Variants in SLA observed in about 807,000 individuals in gnomAD.
SLA encodes the protein Src like adaptor.
A neutral mutation model predicts 30.3 loss-of-function variants in SLA; 16 were observed. The observed-to-expected ratio is 0.53, with a 90% CI of 0.36 to 0.80. SLA has a LOEUF of 0.80. Ranked by LOEUF, SLA falls within the 30% of genes least tolerant of loss-of-function variation. SLA has a pLI of 0.01. For synonymous variants in SLA, 143 were observed against 137.8 expected, an observed-to-expected ratio of 1.04 and a Z score of -0.26; for missense variants, 310 against 345.2, an observed-to-expected ratio of 0.90 and a Z score of 0.81.
At chr8:133,078,984 A>C (rs1299051982) in intron 1 of SLA, among the ~76,000 whole-genome samples, 2 of 152,214 alleles carry the variant, frequency 1.3e-5, no homozygotes, top group Admixed American at 1.3e-4. Flanking sequence ...AGAAACCTCT[A>C]GGGCTCCTGG....
chr8:133,051,642 A>G (rs1840430983), intron 3 of SLA, among the ~76,000 whole-genome samples: 1 of 152,156 alleles, frequency 6.6e-6, no homozygotes, highest in African/African-American at 2.4e-5. Flanking sequence ...AAAAGGAAAG[A>G]GGGCTGTCTG....
At chr8:133,087,871 G>T (rs1426065706) in intron 1 of SLA, 1 of 152,180 alleles carries the variant, frequency 6.6e-6, no homozygotes. Flanking sequence ...CATGGGAAAT[G>T]AAAACCTGGG....
rs1381779136 is a variant in SLA at position 133,050,043 on chromosome 8, G to T, written c.162-55C>A. 8 of 1,123,190 alleles carry T rather than the reference G, an allele frequency of 7.1e-6. No individual in the cohort carries two copies. The East Asian group carries it at 1.9e-4, about 26-fold the overall frequency. The allele number at this position is 1,123,190 out of a possible 1,614,324, so 69.6% of individuals were successfully genotyped here. On this transcript the variant is annotated intron_variant, in intron 4 of 8. Transcript: ENST00000338087. The stretch of plus-strand genomic sequence containing the variant: ...GAGATAGGTAAATAGCAAAACCAAA[G>T]GATGAATGAACAGAGTAATCAGATT...
chr8:133,070,028 AAAG>A (rs1843746998), intron 2 of SLA, among the ~76,000 whole-genome samples: 1 of 43,700 alleles, frequency 2.3e-5, no homozygotes. Context: ...AAAAAAAAAG[AAAG>A]AAAGAAAGAA....
chr8:133,080,929 C>T (rs1205962757), intron 1 of SLA, among the ~76,000 whole-genome samples: 1 of 152,230 alleles, frequency 6.6e-6, no homozygotes, highest in Admixed American at 6.5e-5. Flanking sequence ...TGCTCCCTCT[C>T]AGAAGGCCAC....
At chr8:133,049,311 T>A (rs1406256506) in intron 5 of SLA, 5 of 376,608 alleles carry the variant, frequency 1.3e-5, no homozygotes, top group African/African-American at 8.5e-5. Context: ...ATTCTGTGTG[T>A]TTCTGGATAG....
At chr8:133,066,519 G>A (rs1843065002) in intron 2 of SLA, among the ~76,000 whole-genome samples, 1 of 152,086 alleles carries the variant, frequency 6.6e-6, no homozygotes, top group Non-Finnish European at 1.5e-5. Context: ...GATTTTATAT[G>A]TGAATTTATA....
At chr8:133,101,411 G>T (rs60395395) in intron 1 of SLA, among the ~76,000 whole-genome samples, 5,327 of 152,190 alleles carry the variant, frequency 0.035, 306 homozygotes, top group African/African-American at 0.12. Context: ...CCCCAAGAAG[G>T]CTCCATGGCA....
At chr8:133,047,710 A>G in intron 6 of SLA, 120 bp downstream of exon 6, 1 of 727,084 alleles carries the variant, frequency 1.4e-6, no homozygotes, top group Non-Finnish European at 2.5e-6. Context: ...GAGCTTAACT[A>G]CATTGGATCA....
intron 2 of SLA, among the ~76,000 whole-genome samples, chr8:133,074,019 C>T (rs556512167): frequency 1.3e-5 from 2 of 152,276 alleles, no homozygotes; most frequent in Admixed American, 6.5e-5. Flanking sequence ...CAAATGAGGA[C>T]ATTCTGAGGC....
chr8:133,093,383 G>A (rs6988528), intron 1 of SLA, among the ~76,000 whole-genome samples: 108,961 of 152,006 alleles, frequency 0.72, 39,490 homozygotes, highest in Non-Finnish European at 0.75. Context: ...GCTGAGAGCA[G>A]AGTGAGCCAC....
intron 7 of SLA, among the ~76,000 whole-genome samples, chr8:133,040,997 G>A (rs1348520814): frequency 1.3e-5 from 2 of 152,240 alleles, no homozygotes; most frequent in African/African-American, 4.8e-5. Flanking sequence ...TTACGATGTA[G>A]CTTCCGTCTC....
At chr8:133,052,152 T>G (rs1731899236) in intron 3 of SLA, among the ~76,000 whole-genome samples, 1 of 152,224 alleles carries the variant, frequency 6.6e-6, no homozygotes, top group Non-Finnish European at 1.5e-5. Flanking sequence ...AACTCATATG[T>G]CTTGCAGCCT....
chr8:133,055,361 GCGCGCACACACACACACA>G (rs200667340), intron 3 of SLA, among the ~76,000 whole-genome samples: 39,480 of 131,540 alleles, frequency 0.3, 5,320 homozygotes, highest in Non-Finnish European at 0.32. Flanking sequence ...ACACACGCAC[GCGCGCACACACACACACA>G]CACACACACA....
Position 133,038,627 on chromosome 8 carries a change from T to G in SLA, c.728A>C (p.Asp243Ala), listed in dbSNP as rs766832969. The G allele has an allele frequency of 1.2e-6, 2 of 1,613,816 alleles. No individual in the cohort carries two copies. Among genetic ancestry groups the G allele is most frequent in the East Asian group, 4.5e-5 (2 of 44,872 alleles). ...IASYLSLTSE[D>A]NTSFDRKKKS... is the part of the protein sequence containing the mutation. ...CTTCTTTCGATCAAAGGAGGTGTTG[T>G]CCTCACTGGTCAGGGACAGGTAAGA... Residue 243 changes from aspartate to alanine, a missense_variant, in exon 9 of 9, where the codon GAC (aspartate) becomes GCC (alanine). By Grantham distance (126) the Asp-to-Ala change is moderately radical (BLOSUM62 -2). Transcript: ENST00000338087.
At chr8:133,097,212 T>C (rs978518027) in intron 1 of SLA, among the ~76,000 whole-genome samples, 3 of 152,208 alleles carry the variant, frequency 2.0e-5, no homozygotes, top group African/African-American at 7.2e-5. Context: ...TTTTATTAAA[T>C]CATGAAAGCA....
At chr8:133,045,543 C>T (rs886752806) in intron 6 of SLA, among the ~76,000 whole-genome samples, 2 of 151,862 alleles carry the variant, frequency 1.3e-5, no homozygotes, top group Non-Finnish European at 2.9e-5. Flanking sequence ...TACAGGCATG[C>T]GCCACCACGC....
At chr8:133,062,792 T>G (rs1015641193) in intron 2 of SLA, among the ~76,000 whole-genome samples, 11 of 152,078 alleles carry the variant, frequency 7.2e-5, no homozygotes, top group Non-Finnish European at 1.6e-4. Context: ...GCGTATGACA[T>G]GCAGAGGCTG....
At chr8:133,042,345 T>C (rs969226929) in intron 7 of SLA, among the ~76,000 whole-genome samples, 9 of 152,168 alleles carry the variant, frequency 5.9e-5, no homozygotes, top group African/African-American at 2.2e-4. Context: ...CAGCTCTATA[T>C]TGAAGGGTTC....
Sources: gnomAD v4.1 joint callset for allele counts (sites outside exome capture counted in the v4.1 genomes callset) on GRCh38, gnomAD v4.1.1 for gene constraint, MANE v1.5 for transcripts, NCBI Gene and HGNC (gene_info 2026-07-23, HGNC 2026-07-21) for gene names.